SNX29: variants seen among roughly 807,000 people sequenced by gnomAD.
SNX29 encodes the protein sorting nexin-29.
SNX29 carries 78 observed loss-of-function variants against 102.1 expected under a neutral mutation model. The ratio of observed to expected loss-of-function variants is 0.76; its 90% CI spans 0.64 to 0.92. The LOEUF (loss-of-function observed/expected upper bound fraction) is 0.92, where lower values mean the gene tolerates loss of function less well. Among genes scored for constraint, SNX29 ranks in the 40% least tolerant of loss-of-function variants. The pLI is 0.00. For synonymous variants in SNX29, 580 were observed against 414.5 expected (o/e 1.40, Z -4.85); for missense variants, 1,280 against 1,061.7 (o/e 1.21, Z -2.86).
At chr16:12,176,475 G>A (rs1254242957) in intron 13 of SNX29, among the ~76,000 whole-genome samples, 1 of 152,150 alleles carries the variant, frequency 6.6e-6, no homozygotes, top group African/African-American at 2.4e-5. Flanking sequence ...ACTGCAGATT[G>A]AAAATATTCA....
At chr16:12,343,393 C>T (rs780957310) in intron 15 of SNX29, among the ~76,000 whole-genome samples, 2 of 152,240 alleles carry the variant, frequency 1.3e-5, no homozygotes, top group Non-Finnish European at 2.9e-5. Flanking sequence ...GAAGCTGCCC[C>T]AGGCCCTGTG....
At chr16:12,042,368 T>G (rs2049916479) in intron 4 of SNX29, among the ~76,000 whole-genome samples, 1 of 152,182 alleles carries the variant, frequency 6.6e-6, no homozygotes, top group Non-Finnish European at 1.5e-5. Flanking sequence ...ATGTGCAGGT[T>G]TGTTACCTGG....
intron 7 of SNX29, among the ~76,000 whole-genome samples, chr16:12,048,892 T>C (rs1418071892): frequency 6.6e-6 from 1 of 152,160 alleles, no homozygotes; most frequent in African/African-American, 2.4e-5. Context: ...CCAGATGACG[T>C]TGATCCTCAT....
At chr16:12,478,569 A>C (rs1254743000) in intron 19 of SNX29, among the ~76,000 whole-genome samples, 3 of 152,218 alleles carry the variant, frequency 2.0e-5, no homozygotes, top group African/African-American at 7.2e-5. Context: ...ATTGGGCTCC[A>C]ATTGTGTGTC....
chr16:12,140,099 T>C (rs1035015172), intron 13 of SNX29, among the ~76,000 whole-genome samples: 5 of 151,688 alleles, frequency 3.3e-5, no homozygotes, highest in Admixed American at 6.6e-5. Flanking sequence ...CTCATGAAAC[T>C]TAAACCTACA....
chr16:12,433,154 C>G (rs941452540), intron 18 of SNX29, among the ~76,000 whole-genome samples: 6 of 152,186 alleles, frequency 3.9e-5, no homozygotes, highest in Admixed American at 1.3e-4. Flanking sequence ...ACTCCCACCA[C>G]GAGTCATTAC....
chr16:12,546,163 A>T (rs528124899), intron 20 of SNX29: 1 of 152,308 alleles, frequency 6.6e-6, no homozygotes, highest in African/African-American at 2.4e-5. Flanking sequence ...CTGGTAACAT[A>T]GGGATGGGCA....
At chr16:12,258,030 G>A (rs905887326) in intron 14 of SNX29, among the ~76,000 whole-genome samples, 1 of 152,204 alleles carries the variant, frequency 6.6e-6, no homozygotes, top group Non-Finnish European at 1.5e-5. Flanking sequence ...TGCCTGGGAT[G>A]CTATTGTAGC....
intron 18 of SNX29, among the ~76,000 whole-genome samples, chr16:12,436,342 C>G (rs1236608312): frequency 6.6e-6 from 1 of 152,204 alleles, no homozygotes; most frequent in African/African-American, 2.4e-5. Context: ...GACAGGAACA[C>G]AGCACCGTTT....
At chr16:12,172,917 G>A (rs552217276) in intron 13 of SNX29, among the ~76,000 whole-genome samples, 1 of 152,342 alleles carries the variant, frequency 6.6e-6, no homozygotes, top group South Asian at 2.1e-4. Flanking sequence ...CTCTGCCATT[G>A]TAGTGTGAAA....
Position 12,493,463 on chromosome 16 carries a change from C to A in SNX29, c.2178+15604C>A, listed in dbSNP as rs545243942. Among the ~76,000 whole-genome samples the A allele has an allele frequency of 4.6e-5, 7 of 152,280 alleles. No homozygotes were observed. In the East Asian group the frequency reaches 1.4e-3, roughly 29 times the overall value. On this transcript the variant is annotated intron_variant, in intron 19 of 20. Transcript: ENST00000566228. ...GAGACGATGGGGTTTTCTAGATATACAATCATGTCATCTGCAAACAGGGAC... is the reference window on the plus strand; with the variant it reads ...GAGACGATGGGGTTTTCTAGATATAAAATCATGTCATCTGCAAACAGGGAC...
intron 20 of SNX29, among the ~76,000 whole-genome samples, chr16:12,544,018 C>T (rs752950136): frequency 6.6e-6 from 1 of 152,206 alleles, no homozygotes; most frequent in African/African-American, 2.4e-5. Context: ...GCCCTGGACT[C>T]TAGACCCCGT....
chr16:12,283,320 T>C (rs1015926819), intron 15 of SNX29, among the ~76,000 whole-genome samples: 3 of 151,830 alleles, frequency 2.0e-5, no homozygotes, highest in African/African-American at 7.3e-5. Flanking sequence ...TGTTTTTTTT[T>C]TTTTTCTTTT....
chr16:12,368,249 C>A (rs901089545), intron 16 of SNX29, among the ~76,000 whole-genome samples: 1 of 152,236 alleles, frequency 6.6e-6, no homozygotes, highest in Non-Finnish European at 1.5e-5. Flanking sequence ...AGCTGTGGAA[C>A]TTTACACTTC....
At chr16:12,254,064 G>A (rs929560030) in intron 14 of SNX29, among the ~76,000 whole-genome samples, 5 of 152,188 alleles carry the variant, frequency 3.3e-5, no homozygotes, top group African/African-American at 1.2e-4. Context: ...AGAAGGATGT[G>A]GAGGGAGGCT....
chr16:12,378,035 C>T (rs975056070), intron 16 of SNX29, among the ~76,000 whole-genome samples: 4 of 152,066 alleles, frequency 2.6e-5, no homozygotes, highest in African/African-American at 9.7e-5. Flanking sequence ...ACAGAGAAGC[C>T]AGTACAAACT....
intron 11 of SNX29, among the ~76,000 whole-genome samples, chr16:12,106,906 C>G (rs890678840): frequency 6.6e-6 from 1 of 152,114 alleles, no homozygotes; most frequent in South Asian, 2.1e-4. Context: ...GCCTTGTACT[C>G]CTGGACTCAA....
At chr16:12,420,842 T>C (rs939270575) in intron 18 of SNX29, among the ~76,000 whole-genome samples, 1 of 152,158 alleles carries the variant, frequency 6.6e-6, no homozygotes, top group Non-Finnish European at 1.5e-5. Flanking sequence ...CAAGGCCCCA[T>C]GTCCGCCCTG....
intron 8 of SNX29, among the ~76,000 whole-genome samples, chr16:12,060,604 AAAAC>A: frequency 6.6e-6 from 1 of 152,344 alleles, no homozygotes; most frequent in Admixed American, 6.5e-5. Context: ...CTCCAACTCT[AAAAC>A]AAAACAAGGG....
Sources: gnomAD v4.1 joint callset for allele counts (sites outside exome capture counted in the v4.1 genomes callset) on GRCh38, gnomAD v4.1.1 for gene constraint, MANE v1.5 for transcripts, NCBI Gene and HGNC (gene_info 2026-07-23, HGNC 2026-07-21) for gene names.